Variants in ABL2 observed in about 807,000 individuals in gnomAD.
ABL2 encodes the protein ABL proto-oncogene 2, non-receptor tyrosine kinase.
Under a neutral mutation model 107.7 loss-of-function variants are expected in ABL2, and 49 were observed. The observed-to-expected ratio is 0.45, with a 90% CI of 0.36 to 0.58. The LOEUF is 0.58. Ranked by LOEUF, ABL2 falls within the 20% of genes least tolerant of loss-of-function variation. ABL2 has a pLI of 0.00. For missense variants in ABL2, 1,245 were observed against 1,457.0 expected, an observed-to-expected ratio of 0.85 and a Z score of 2.37; for synonymous variants, 549 against 548.6, an observed-to-expected ratio of 1.00 and a Z score of -0.01.
intron 1 of ABL2, 64 bp downstream of exon 1, chr1:179,229,177 A>AACCCCC: frequency 5.0e-6 from 1 of 198,890 alleles, no homozygotes. Flanking sequence ...TCCGCCACCC[A>AACCCCC]CCCCGCCCCG....
At chr1:179,186,355 A>G (rs1055977924) in intron 1 of ABL2, among the ~76,000 whole-genome samples, 8 of 152,120 alleles carry the variant, frequency 5.3e-5, no homozygotes, top group South Asian at 2.1e-4. Flanking sequence ...GTTTGGGTTT[A>G]TCAGCCATTT....
In ABL2 at chr1:179,101,994, TTC is replaced by T. The variant is rs1400563315; in HGVS notation, c.*5722_*5723del. 4.9e-5 allele frequency: 6 copies of T among 122,162 alleles called. No individual in the cohort carries two copies. The highest frequency in any genetic ancestry group is 2.0e-4 in the African/African-American group (6 of 29,416). 7.6% of individuals were successfully genotyped at this position (122,162 alleles called of 1,614,324 possible). A position where few individuals can be genotyped will look rare whatever the true frequency, so the allele number is the denominator to read the frequency against. On this transcript the variant is annotated 3_prime_UTR_variant, in exon 12 of 12. Coordinates refer to ENST00000502732, the MANE Select transcript of ABL2 (RefSeq NM_007314.4). Reference sequence around the variant, plus strand: ...AAAAAAGCAAGCTTTGCATTAGAATTTCTTTTTTTTTTTTTTTTTTTTTTTTT... The same window carrying T: ...AAAAAAGCAAGCTTTGCATTAGAATTTTTTTTTTTTTTTTTTTTTTTTTTT...
In ABL2 at chr1:179,183,482, T is replaced by C. The variant is rs28914480; in HGVS notation, c.157+45759A>G. On this transcript the variant is annotated intron_variant, in intron 1 of 11. Transcript: ENST00000502732. ...CTGTTAACCTTCTCAACAAAAAGAGTGCATCTTTCTATGTATGCAGAAAGC... is the reference window on the plus strand; with the variant it reads ...CTGTTAACCTTCTCAACAAAAAGAGCGCATCTTTCTATGTATGCAGAAAGC... Among the ~76,000 whole-genome samples, 1,234 of 151,994 alleles carry C rather than the reference T, an allele frequency of 8.1e-3. 7 individuals are homozygous for C. Among genetic ancestry groups the C allele is most frequent in the Middle Eastern group, 0.02 (6 of 294 alleles).
chr1:179,153,408 A>G (rs1658486103), intron 1 of ABL2, among the ~76,000 whole-genome samples: 1 of 152,044 alleles, frequency 6.6e-6, no homozygotes, highest in Non-Finnish European at 1.5e-5. Context: ...AATGAGCAAC[A>G]CTGGGACAAA....
At chr1:179,149,240 G>A (rs1023070616) in intron 1 of ABL2, among the ~76,000 whole-genome samples, 1 of 152,220 alleles carries the variant, frequency 6.6e-6, no homozygotes, top group Non-Finnish European at 1.5e-5. Context: ...TTAAACCAAA[G>A]CCTAATCCAG....
chr1:179,196,873 A>G lies in ABL2; in HGVS notation c.157+32368T>C, dbSNP rs115206193. 8.5e-3 allele frequency among the ~76,000 whole-genome samples: 1,299 copies of G among 152,264 alleles called. 15 individuals carry two copies. Among genetic ancestry groups the G allele is most frequent in the African/African-American group, 0.03 (1,237 of 41,578 alleles). ...ACATGTATTTTACCACAATTTTTTT[A>G]TAAGACCAGATTTTAAAGAGAATCA... On this transcript the variant is annotated intron_variant, in intron 1 of 11. Coordinates refer to ENST00000502732, the MANE Select transcript of ABL2 (RefSeq NM_007314.4).
chr1:179,214,387 T>G (rs1322639937), intron 1 of ABL2, among the ~76,000 whole-genome samples: 1 of 151,668 alleles, frequency 6.6e-6, no homozygotes, highest in Non-Finnish European at 1.5e-5. Context: ...AAATAAAATT[T>G]TAAGAACAAC....
In ABL2 at chr1:179,108,822, T is replaced by C. The variant is rs762839494; in HGVS notation, c.2445A>G (p.Thr815=). ...CTTCTGGCTGAGAAGAGGTGGACAC[T>C]GTCCTTTCCAGCTGGAGTTTGGACC... ...CQRSKLQLER[T]VSTSSQPEEN... The change falls in exon 12 of 12, where the codon ACA becomes ACG. Residue 815 remains threonine (T), a synonymous_variant. Transcript: ENST00000502732. 3 of 1,614,090 alleles carry C rather than the reference T, an allele frequency of 1.9e-6. No homozygotes were observed. The highest frequency in any genetic ancestry group is 2.5e-6 in the Non-Finnish European group (3 of 1,180,050).
chr1:179,214,146 A>G (rs948487966), intron 1 of ABL2, among the ~76,000 whole-genome samples: 1 of 152,150 alleles, frequency 6.6e-6, no homozygotes, highest in Non-Finnish European at 1.5e-5. Flanking sequence ...TAATAAACCT[A>G]CCAAGTAATG....
chr1:179,206,909 G>A (rs1662002779), intron 1 of ABL2, among the ~76,000 whole-genome samples: 1 of 152,182 alleles, frequency 6.6e-6, no homozygotes, highest in Non-Finnish European at 1.5e-5. Context: ...AGCTGAAACT[G>A]AGAAAGCCAG....
chr1:179,123,508 A>G (rs529790256), intron 4 of ABL2, among the ~76,000 whole-genome samples: 20 of 152,302 alleles, frequency 1.3e-4, no homozygotes, highest in South Asian at 8.3e-4. Context: ...CCATCTAAAA[A>G]AAAGAAAAGA....
At chr1:179,162,333 C>T (rs1047033827) in intron 1 of ABL2, among the ~76,000 whole-genome samples, 1 of 152,166 alleles carries the variant, frequency 6.6e-6, no homozygotes, top group African/African-American at 2.4e-5. Context: ...ACCTGTAATC[C>T]TAGCACTTCG....
intron 2 of ABL2, among the ~76,000 whole-genome samples, chr1:179,132,640 C>T (rs1193056954): frequency 2.0e-5 from 3 of 151,674 alleles, no homozygotes; most frequent in Non-Finnish European, 2.9e-5. Context: ...CGAGTTCAAG[C>T]GTGATTCTCC....
In ABL2 at chr1:179,229,669, C is replaced by T. The variant is rs1663458065; in HGVS notation, c.-272G>A. On this transcript the variant is annotated 5_prime_UTR_variant, in exon 1 of 12. Coordinates refer to ENST00000502732, the MANE Select transcript of ABL2 (RefSeq NM_007314.4). Reference sequence around the variant, plus strand: ...CCGCCGCCGCCACCGCCGCCGCCATCTTTAAACCACCGAGCGCTGGGAAAG... The same window carrying T: ...CCGCCGCCGCCACCGCCGCCGCCATTTTTAAACCACCGAGCGCTGGGAAAG... The T allele has an allele frequency of 1.1e-5, 5 of 461,220 alleles. No homozygotes were observed. The highest frequency in any genetic ancestry group is 1.9e-5 in the Non-Finnish European group (5 of 265,716). The allele number at this position is 461,220 out of a possible 1,614,324, so 28.6% of individuals were successfully genotyped here. A position where few individuals can be genotyped will look rare whatever the true frequency, so the allele number is the denominator to read the frequency against.
intron 1 of ABL2, among the ~76,000 whole-genome samples, chr1:179,165,231 A>G (rs1210122020): frequency 6.6e-6 from 1 of 152,232 alleles, no homozygotes; most frequent in Non-Finnish European, 1.5e-5. Context: ...GCTATGTGCC[A>G]ACTACTGTAA....
intron 1 of ABL2, among the ~76,000 whole-genome samples, chr1:179,190,573 C>T (rs1186597743): frequency 2.0e-5 from 3 of 151,944 alleles, no homozygotes; most frequent in Non-Finnish European, 4.4e-5. Context: ...AACTTTCAGC[C>T]TCTCCCCCCT....
intron 10 of ABL2, chr1:179,110,823 C>T: frequency 6.2e-7 from 1 of 1,613,970 alleles, no homozygotes; most frequent in Non-Finnish European, 8.5e-7. Flanking sequence ...TTATGCACGT[C>T]TGATTGGCAC....
chr1:179,191,526 T>TTC (rs376632233), intron 1 of ABL2, among the ~76,000 whole-genome samples: 366 of 150,550 alleles, frequency 2.4e-3, no homozygotes, highest in African/African-American at 8.1e-3. Flanking sequence ...GTTCAAGCGA[T>TTC]TCTCTTGCCT....
intron 1 of ABL2, among the ~76,000 whole-genome samples, chr1:179,211,900 G>C (rs1662297329): frequency 6.6e-6 from 1 of 152,148 alleles, no homozygotes. Flanking sequence ...TAACATGCCA[G>C]GTACAATATC....
Sources: gnomAD v4.1 joint callset for allele counts (sites outside exome capture counted in the v4.1 genomes callset) on GRCh38, gnomAD v4.1.1 for gene constraint, MANE v1.5 for transcripts, NCBI Gene and HGNC (gene_info 2026-07-23, HGNC 2026-07-21) for gene names.